Variants in RERE observed in about 807,000 individuals in gnomAD.
The protein encoded by RERE is arginine-glutamic acid dipeptide repeats.
In RERE, 40 loss-of-function variants were observed where a neutral mutation model predicts 146.1. The observed-to-expected ratio is 0.27, with a 90% confidence interval of 0.21 to 0.36. The LOEUF (loss-of-function observed/expected upper bound fraction) is 0.36, where lower values mean the gene tolerates loss of function less well. Among genes scored for constraint, RERE ranks in the 10% least tolerant of loss-of-function variants. The pLI is 1.00. For missense variants in RERE, 1,933 were observed against 2,138.7 expected, an observed-to-expected ratio of 0.90 and a Z score of 1.90; for synonymous variants, 1,003 against 866.0, an observed-to-expected ratio of 1.16 and a Z score of -2.78.
At chr1:8,403,942 T>C (rs1308282609) in intron 12 of RERE, among the ~76,000 whole-genome samples, 2 of 150,306 alleles carry the variant, frequency 1.3e-5, no homozygotes, top group African/African-American at 4.9e-5. Flanking sequence ...GTGATTCTCC[T>C]GCCTTAGCCA....
intron 1 of RERE, among the ~76,000 whole-genome samples, chr1:8,726,898 T>C (rs558033311): frequency 1.3e-5 from 2 of 149,554 alleles, no homozygotes; most frequent in South Asian, 4.3e-4. Context: ...CTCCACCTCC[T>C]GAGTTCAAGC....
chr1:8,416,426 A>C (rs545018454), intron 12 of RERE, among the ~76,000 whole-genome samples: 5 of 152,156 alleles, frequency 3.3e-5, no homozygotes, highest in African/African-American at 1.2e-4. Flanking sequence ...CTCTACTAAA[A>C]ACACAAAAAA....
chr1:8,518,112 C>T (rs1645445063), intron 7 of RERE, among the ~76,000 whole-genome samples: 1 of 152,142 alleles, frequency 6.6e-6, no homozygotes, highest in Non-Finnish European at 1.5e-5. Context: ...CAAAGACGCC[C>T]AAAGATCTCT....
At chr1:8,656,511 G>A (rs777500602) in intron 1 of RERE, 70 bp from the exon 2 acceptor site, 1 of 630,106 alleles carries the variant, frequency 1.6e-6, no homozygotes, top group Non-Finnish European at 2.5e-6. Flanking sequence ...TTTGTTAAAT[G>A]AATCTCTTAC....
In RERE at chr1:8,364,889, G is replaced by T; in HGVS notation, c.1448-51C>A. The T allele has an allele frequency of 4.8e-6, 2 of 418,996 alleles. No individual in the cohort carries two copies. Among genetic ancestry groups the T allele is most frequent in the Non-Finnish European group, 8.9e-6 (2 of 224,376 alleles). The allele number at this position is 418,996 out of a possible 1,614,324, so 26.0% of individuals were successfully genotyped here. On this transcript the variant is annotated intron_variant, in intron 13 of 22. Coordinates refer to ENST00000400908, the MANE Select transcript of RERE (RefSeq NM_001042681.2). The surrounding 1 kb of genome is among the most constrained non-coding windows in gnomAD (Gnocchi z 5.1). Reference sequence around the variant, plus strand: ...GGTGGGGGAGACACCATCATGCTCAGCCAAGGCTGGGCCGGTGGGGTGGGG... The same window carrying T: ...GGTGGGGGAGACACCATCATGCTCATCCAAGGCTGGGCCGGTGGGGTGGGG...
intron 9 of RERE, among the ~76,000 whole-genome samples, chr1:8,496,945 A>G (rs114027052): frequency 0.013 from 2,024 of 152,270 alleles, 45 homozygotes; most frequent in African/African-American, 0.046. Context: ...TACATTAGGT[A>G]TATGTGTGCC....
intron 2 of RERE, among the ~76,000 whole-genome samples, chr1:8,638,783 ATTTTTTTTTTTTTT>A (rs34276909): frequency 1.0e-5 from 1 of 100,348 alleles, no homozygotes; most frequent in Admixed American, 1.2e-4. Context: ...ACGAAAAAAA[ATTTTTTTTTTTTTT>A]TTTTTTTTTT....
rs192021693 is a variant in RERE, at chr1:8,717,302, G to C, written c.-144-60861C>G. Among the ~76,000 whole-genome samples, 482 of 152,304 alleles carry C rather than the reference G, an allele frequency of 3.2e-3. 4 individuals carry two copies. Among genetic ancestry groups the C allele is most frequent in the South Asian group, 4.8e-3 (23 of 4,830 alleles). The stretch of plus-strand genomic sequence containing the variant: ...GTTCTAAATTGCAAGTTAATCATTA[G>C]GTCAACAGTGGTAGTTTTCAGTATT... On this transcript the variant is annotated intron_variant, in intron 1 of 22. Transcript: ENST00000400908.
At chr1:8,363,948 T>G in intron 15 of RERE, 108 bp downstream of exon 15, 1 of 1,019,360 alleles carries the variant, frequency 9.8e-7, no homozygotes, top group Non-Finnish European at 1.5e-6. Flanking sequence ...TCCAGGACTT[T>G]GTCTGGTAAA....
intron 1 of RERE, among the ~76,000 whole-genome samples, chr1:8,726,206 G>C (rs539098170): frequency 7.7e-6 from 1 of 130,664 alleles, no homozygotes; most frequent in East Asian, 2.4e-4. Context: ...CCAGGCTGGA[G>C]TGCAGCAGCG....
At chr1:8,748,578 CA>C (rs1254876303) in intron 1 of RERE, among the ~76,000 whole-genome samples, 1 of 152,176 alleles carries the variant, frequency 6.6e-6, no homozygotes, top group Non-Finnish European at 1.5e-5. Flanking sequence ...GAAACAGAGC[CA>C]AAAGTGTCAA....
At chr1:8,480,493 T>C (rs926386955) in intron 10 of RERE, among the ~76,000 whole-genome samples, 2 of 149,612 alleles carry the variant, frequency 1.3e-5, no homozygotes, top group African/African-American at 4.9e-5. Flanking sequence ...TGGAGTACAG[T>C]GGCATGATCT....
At chr1:8,569,899 A>T (rs1297770438) in intron 4 of RERE, among the ~76,000 whole-genome samples, 1 of 152,158 alleles carries the variant, frequency 6.6e-6, no homozygotes, top group Admixed American at 6.5e-5. Flanking sequence ...CTTAAAAAAA[A>T]AGAAAATATT....
At chr1:8,516,866 C>T (rs6577494) in intron 7 of RERE, among the ~76,000 whole-genome samples, 89,272 of 151,966 alleles carry the variant, frequency 0.59, 26,813 homozygotes, top group East Asian at 0.83. Flanking sequence ...AAGTTAGAGG[C>T]CAATGTATAT....
At chr1:8,562,972 A>C (rs934557331) in intron 4 of RERE, among the ~76,000 whole-genome samples, 1 of 152,152 alleles carries the variant, frequency 6.6e-6, no homozygotes, top group African/African-American at 2.4e-5. Context: ...AGATTTAACA[A>C]ATTTAAAATA....
At position 8,423,741 on chromosome 1, in the gene RERE, G is replaced by A. The variant is rs991426530; in HGVS notation, c.1204-934C>T. On this transcript the variant is annotated intron_variant, in intron 11 of 22. Transcript: ENST00000400908. The surrounding 1 kb of genome is among the most constrained non-coding windows in gnomAD (Gnocchi z 5.4). ...GGCGGGGCCGCGCGGCGCGGGGCCC[G>A]GGGGGCGCGGGGCTGGGGCCGCCGC... The A allele has an allele frequency of 3.1e-6, 3 of 961,542 alleles. No homozygotes were observed. Among genetic ancestry groups the A allele is most frequent in the Non-Finnish European group, 3.7e-6 (3 of 811,290 alleles). The allele number at this position is 961,542 out of a possible 1,614,324, so 59.6% of individuals were successfully genotyped here.
At chr1:8,507,831 C>A (rs199986560) in intron 8 of RERE, among the ~76,000 whole-genome samples, 1 of 150,098 alleles carries the variant, frequency 6.7e-6, no homozygotes, top group Non-Finnish European at 1.5e-5. Context: ...CCTCCGCCTC[C>A]GGGGTTCAAG....
chr1:8,557,624 A>G (rs1646023144), intron 4 of RERE, 101 bp from the exon 5 acceptor site: 1 of 724,404 alleles, frequency 1.4e-6, no homozygotes, highest in African/African-American at 1.8e-5. Context: ...GTGGACACGT[A>G]GATAGGGAGA....
intron 16 of RERE, among the ~76,000 whole-genome samples, 159 bp downstream of exon 16, chr1:8,362,524 C>T (rs910512319): frequency 3.9e-5 from 6 of 152,188 alleles, no homozygotes; most frequent in Non-Finnish European, 1.5e-5. Flanking sequence ...CCCCAGCCTT[C>T]GGTCTGCAGC....
Sources: allele counts gnomAD v4.1 joint callset (sites outside exome capture counted in the v4.1 genomes callset), GRCh38; gene constraint gnomAD v4.1.1; non-coding constraint Gnocchi (gnomAD v3.1); transcripts MANE v1.5; gene names NCBI Gene and HGNC (gene_info 2026-07-23, HGNC 2026-07-21).